The following MARCHF1 variants were observed in gnomAD, a reference collection of about 807,000 sequenced individuals.
MARCHF1 encodes the protein membrane associated ring-CH-type finger 1, also known as E3 ubiquitin-protein ligase MARCHF1.
A neutral mutation model predicts 54.2 loss-of-function variants in MARCHF1; 40 were observed. The observed-to-expected ratio is 0.74, with a 90% CI of 0.57 to 0.96. The LOEUF is 0.96. MARCHF1 is among the 40% of genes least tolerant of loss of function. The probability of loss-of-function intolerance (pLI) is 0.00; values close to 1 mark genes in which losing one functional copy is unlikely to be tolerated. For synonymous variants in MARCHF1, 236 were observed against 236.3 expected (o/e 1.00, Z 0.01); for missense variants, 586 against 656.5 (o/e 0.89, Z 1.17).
At chr4:163,635,949 T>A (rs558824201) in intron 5 of MARCHF1, among the ~76,000 whole-genome samples, 2 of 152,204 alleles carry the variant, frequency 1.3e-5, no homozygotes, top group Admixed American at 6.5e-5. Flanking sequence ...TATATGCAAA[T>A]CGATAAATGT....
At chr4:163,563,917 C>T (rs954665562) in intron 8 of MARCHF1, among the ~76,000 whole-genome samples, 7 of 152,102 alleles carry the variant, frequency 4.6e-5, no homozygotes, top group Admixed American at 1.3e-4. Context: ...AGGCTCTAAG[C>T]GACCTGATAT....
intron 4 of MARCHF1, among the ~76,000 whole-genome samples, chr4:163,748,273 C>T (rs1299123048): frequency 6.6e-6 from 1 of 152,060 alleles, no homozygotes; most frequent in Admixed American, 6.6e-5. Flanking sequence ...CTGTTCAATC[C>T]CCCACAGATG....
intron 4 of MARCHF1, among the ~76,000 whole-genome samples, chr4:163,706,319 A>G (rs1309456321): frequency 1.3e-5 from 2 of 152,076 alleles, no homozygotes; most frequent in Non-Finnish European, 2.9e-5. Flanking sequence ...GAGTGACCAC[A>G]TAATGAAAAG....
intron 2 of MARCHF1, among the ~76,000 whole-genome samples, chr4:163,989,360 G>A (rs1752931064): frequency 6.6e-6 from 1 of 152,048 alleles, no homozygotes; most frequent in East Asian, 1.9e-4. Flanking sequence ...TTTCTGGATG[G>A]TTGTAAAGAG....
chr4:163,725,795 G>A (rs1745634182), intron 4 of MARCHF1, among the ~76,000 whole-genome samples: 1 of 152,018 alleles, frequency 6.6e-6, no homozygotes, highest in Non-Finnish European at 1.5e-5. Flanking sequence ...TTTATCGTTA[G>A]GTACCTGTCC....
chr4:163,981,374 A>ACC (rs1752759549), intron 3 of MARCHF1, among the ~76,000 whole-genome samples: 1 of 152,196 alleles, frequency 6.6e-6, no homozygotes. Flanking sequence ...AAAGTCAGAC[A>ACC]CCCAGCACCT....
intron 1 of MARCHF1, among the ~76,000 whole-genome samples, chr4:164,250,144 C>T (rs1196560678): frequency 6.6e-6 from 1 of 152,170 alleles, no homozygotes; most frequent in Middle Eastern, 3.4e-3. Context: ...ACATGTAGCA[C>T]TGATTGGAGC....
intron 1 of MARCHF1, among the ~76,000 whole-genome samples, chr4:164,203,703 T>C (rs1731520472): frequency 6.6e-6 from 1 of 152,178 alleles, no homozygotes; most frequent in Admixed American, 6.5e-5. Flanking sequence ...CAAGTTGACA[T>C]ATAATATATC....
At chr4:163,567,492 A>G (rs556566387) in intron 8 of MARCHF1, among the ~76,000 whole-genome samples, 5 of 152,288 alleles carry the variant, frequency 3.3e-5, no homozygotes, top group African/African-American at 1.2e-4. Context: ...CTCATCTTGA[A>G]TTGTAGCTCC....
chr4:164,208,384 T>C (rs888343489), intron 1 of MARCHF1, among the ~76,000 whole-genome samples: 5 of 152,184 alleles, frequency 3.3e-5, no homozygotes, highest in African/African-American at 4.8e-5. Context: ...CTGGGAAGTA[T>C]GAGCTTTATT....
chr4:163,903,678 T>C (rs1750991290), intron 3 of MARCHF1, among the ~76,000 whole-genome samples: 1 of 152,116 alleles, frequency 6.6e-6, no homozygotes, highest in Non-Finnish European at 1.5e-5. Flanking sequence ...TGGTTCAATC[T>C]TGGTTCACTG....
At chr4:164,110,499 G>A (rs1355753032) in intron 2 of MARCHF1, among the ~76,000 whole-genome samples, 2 of 151,598 alleles carry the variant, frequency 1.3e-5, no homozygotes, top group Non-Finnish European at 3.0e-5. Flanking sequence ...TCTTAAGTGT[G>A]TTCTTTATGT....
intron 1 of MARCHF1, among the ~76,000 whole-genome samples, chr4:164,299,044 C>CAGTCATACTATCTCAAA (rs1303156810): frequency 6.6e-6 from 1 of 152,100 alleles, no homozygotes; most frequent in Non-Finnish European, 1.5e-5. Context: ...TTAAAGTATG[C>CAGTCATACTATCTCAAA]AGTCATACTA....
intron 1 of MARCHF1, among the ~76,000 whole-genome samples, chr4:164,130,314 T>C (rs1274501905): frequency 6.6e-6 from 1 of 152,176 alleles, no homozygotes; most frequent in African/African-American, 2.4e-5. Flanking sequence ...AAAATGTGGA[T>C]GTGTATTAAA....
chr4:164,085,697 CT>C (rs1755178863), intron 2 of MARCHF1, among the ~76,000 whole-genome samples: 1 of 151,766 alleles, frequency 6.6e-6, no homozygotes. Context: ...AAATAAAACC[CT>C]TAAGTACTTA....
intron 1 of MARCHF1, among the ~76,000 whole-genome samples, chr4:164,276,774 G>C (rs367603966): frequency 1.3e-5 from 2 of 149,776 alleles, no homozygotes; most frequent in South Asian, 2.1e-4. Context: ...GTAAAAAACA[G>C]TAATTGCTAT....
intron 4 of MARCHF1, among the ~76,000 whole-genome samples, chr4:163,744,076 C>T (rs1746287410): frequency 6.6e-6 from 1 of 152,256 alleles, no homozygotes; most frequent in South Asian, 2.1e-4. Context: ...ATTTTCAAAT[C>T]AGTTTCTATT....
intron 1 of MARCHF1, among the ~76,000 whole-genome samples, chr4:164,284,150 C>CTA (rs1054186338): frequency 5.3e-5 from 8 of 151,118 alleles, no homozygotes; most frequent in Admixed American, 2.7e-4. Context: ...ATTCAAATCA[C>CTA]TTAATGGGTA....
intron 2 of MARCHF1, among the ~76,000 whole-genome samples, chr4:164,053,675 C>G (rs910543413): frequency 2.0e-5 from 3 of 152,146 alleles, no homozygotes; most frequent in African/African-American, 7.2e-5. Flanking sequence ...TTTGTTTACA[C>G]TCCCAAAGAT....
Sources: allele counts gnomAD v4.1 joint callset (sites outside exome capture counted in the v4.1 genomes callset), GRCh38; gene constraint gnomAD v4.1.1; transcripts MANE v1.5; gene names NCBI Gene and HGNC (gene_info 2026-07-23, HGNC 2026-07-21).